Variants in NOL4 observed in about 807,000 individuals in gnomAD.
The protein encoded by NOL4 is nucleolar protein 4.
NOL4 carries 17 observed loss-of-function variants against 75.9 expected under a neutral mutation model. The observed-to-expected ratio is 0.22, with a 90% CI of 0.15 to 0.34. The LOEUF (loss-of-function observed/expected upper bound fraction) is 0.34, where lower values mean the gene tolerates loss of function less well. Ranked by LOEUF, NOL4 falls within the 10% of genes least tolerant of loss-of-function variation. The pLI is 1.00. For missense variants in NOL4, 614 were observed against 793.5 expected (o/e 0.77, Z 2.72); for synonymous variants, 292 against 289.9 (o/e 1.01, Z -0.07).
At chr18:34,162,341 C>T (rs953216157) in intron 1 of NOL4, among the ~76,000 whole-genome samples, 5 of 151,850 alleles carry the variant, frequency 3.3e-5, no homozygotes, top group African/African-American at 7.3e-5. Flanking sequence ...AGACCGCTAG[C>T]AAGACTAATA....
intron 9 of NOL4, among the ~76,000 whole-genome samples, chr18:33,926,823 C>G (rs2067361845): frequency 6.6e-6 from 1 of 152,190 alleles, no homozygotes; most frequent in African/African-American, 2.4e-5. Flanking sequence ...TGGTCTCAAT[C>G]TCTTGACCTC....
intron 10 of NOL4, among the ~76,000 whole-genome samples, chr18:33,865,711 T>G (rs2063399449): frequency 6.6e-6 from 1 of 152,122 alleles, no homozygotes; most frequent in Non-Finnish European, 1.5e-5. Flanking sequence ...GAGAAAAGAT[T>G]GATACTACAG....
chr18:33,915,547 A>T (rs2066666148), intron 9 of NOL4, among the ~76,000 whole-genome samples: 2 of 152,092 alleles, frequency 1.3e-5, no homozygotes, highest in African/African-American at 4.8e-5. Context: ...GCGAGAGGCG[A>T]TGGGATGCAG....
intron 1 of NOL4, among the ~76,000 whole-genome samples, chr18:34,170,836 A>T (rs2032961790): frequency 6.6e-6 from 1 of 152,196 alleles, no homozygotes; most frequent in Non-Finnish European, 1.5e-5. Flanking sequence ...CTATGCTTCA[A>T]GCTTATTACA....
At chr18:34,102,880 A>G (rs1600594949) in intron 4 of NOL4, among the ~76,000 whole-genome samples, 1 of 152,074 alleles carries the variant, frequency 6.6e-6, no homozygotes, top group East Asian at 1.9e-4. Flanking sequence ...CAATGATTTT[A>G]TTACTATTTA....
intron 4 of NOL4, among the ~76,000 whole-genome samples, chr18:34,095,251 A>ATG (rs60017439): frequency 0.052 from 7,480 of 144,436 alleles, 210 homozygotes; most frequent in Non-Finnish European, 0.063. Context: ...TCTAATGTGT[A>ATG]TGTGTGTGTG....
intron 1 of NOL4, among the ~76,000 whole-genome samples, chr18:34,145,577 T>C (rs2081363725): frequency 6.6e-6 from 1 of 151,840 alleles, no homozygotes; most frequent in Non-Finnish European, 1.5e-5. Context: ...TGTTTATAAC[T>C]CTAAGAATTT....
In NOL4 at chr18:33,958,402, T is replaced by C. The variant is rs201260828; in HGVS notation, c.1073A>G (p.Tyr358Cys). Residue 358 changes from tyrosine to cysteine, a missense_variant, in exon 7 of 11, where the codon TAC becomes TGC. This residue lies in a region of NOL4 where 196 missense variants were observed against 167.9 expected (regional missense o/e 1.17). Transcript: ENST00000261592. Reference protein sequence around the residue: ...ENGSKSPAHSYSSYDSGKNES... With the variant: ...ENGSKSPAHSCSSYDSGKNES... ...ATTTTTGCCAGAGTCATAGCTGGAGTAACTATGTGCAGGAGACTGAAAAGA... is the reference window on the plus strand; with the variant it reads ...ATTTTTGCCAGAGTCATAGCTGGAGCAACTATGTGCAGGAGACTGAAAAGA... 6.2e-7 allele frequency: 1 copy of C among 1,612,928 alleles called. No individual in the cohort carries two copies. Among genetic ancestry groups the C allele is most frequent in the Non-Finnish European group, 8.5e-7 (1 of 1,179,306 alleles).
At chr18:33,861,769 A>G (rs2063146920) in intron 10 of NOL4, among the ~76,000 whole-genome samples, 1 of 152,178 alleles carries the variant, frequency 6.6e-6, no homozygotes, top group South Asian at 2.1e-4. Flanking sequence ...TAAATAAAAG[A>G]GGATACAAAC....
chr18:34,077,353 T>C (rs972238305), intron 5 of NOL4, among the ~76,000 whole-genome samples: 1 of 152,044 alleles, frequency 6.6e-6, no homozygotes, highest in African/African-American at 2.4e-5. Context: ...GAACTCATAT[T>C]GTCTACTGAA....
chr18:34,167,309 T>G (rs1398475347), intron 1 of NOL4, among the ~76,000 whole-genome samples: 1 of 152,040 alleles, frequency 6.6e-6, no homozygotes, highest in African/African-American at 2.4e-5. Flanking sequence ...ACCTTTAAAA[T>G]AAGTCATCTT....
intron 6 of NOL4, among the ~76,000 whole-genome samples, chr18:34,013,929 C>T (rs565023177): frequency 6.6e-6 from 1 of 151,756 alleles, no homozygotes; most frequent in Non-Finnish European, 1.5e-5. Flanking sequence ...CTAAACAACA[C>T]CTGGGCCAAA....
intron 6 of NOL4, among the ~76,000 whole-genome samples, chr18:33,988,574 C>T (rs990660754): frequency 6.6e-6 from 1 of 151,958 alleles, no homozygotes; most frequent in African/African-American, 2.4e-5. Context: ...AAAAAGCATT[C>T]CCCCACTGAT....
intron 9 of NOL4, among the ~76,000 whole-genome samples, chr18:33,924,464 T>C (rs2067214682): frequency 6.6e-6 from 1 of 152,178 alleles, no homozygotes; most frequent in Non-Finnish European, 1.5e-5. Context: ...TCTATTACCA[T>C]TCTCAGGCAC....
chr18:33,945,258 TTC>T (rs907467207), intron 8 of NOL4, among the ~76,000 whole-genome samples: 27 of 151,860 alleles, frequency 1.8e-4, no homozygotes, highest in South Asian at 6.2e-4. Flanking sequence ...ACCTCGATTT[TTC>T]TCTCTTTTTT....
At chr18:33,907,636 T>C (rs1349764014) in intron 9 of NOL4, among the ~76,000 whole-genome samples, 16 of 152,156 alleles carry the variant, frequency 1.1e-4, no homozygotes, top group Admixed American at 1.0e-3. Context: ...TACACAATCC[T>C]ATTAATGTGG....
intron 9 of NOL4, among the ~76,000 whole-genome samples, chr18:33,909,786 T>C (rs1398417656): frequency 6.6e-6 from 1 of 152,016 alleles, no homozygotes; most frequent in Non-Finnish European, 1.5e-5. Flanking sequence ...CCTCATGGGA[T>C]TTCCAGGGCT....
chr18:33,869,307 A>C (rs1382303885), intron 10 of NOL4, among the ~76,000 whole-genome samples: 1 of 151,954 alleles, frequency 6.6e-6, no homozygotes, highest in Admixed American at 6.6e-5. Context: ...CTTTTTGTCA[A>C]ATGAGAATCA....
intron 4 of NOL4, among the ~76,000 whole-genome samples, chr18:34,100,984 G>C (rs998988318): frequency 2.0e-5 from 3 of 152,004 alleles, no homozygotes; most frequent in African/African-American, 7.2e-5. Context: ...TACCCTACTT[G>C]TTCAGATTAA....
Sources: gnomAD v4.1 joint callset for allele counts (sites outside exome capture counted in the v4.1 genomes callset) on GRCh38, gnomAD v4.1.1 for gene constraint, gnomAD v4.1.1 regional missense constraint, MANE v1.5 for transcripts, NCBI Gene and HGNC (gene_info 2026-07-23, HGNC 2026-07-21) for gene names.